SLC9A9: variants seen among roughly 807,000 people sequenced by gnomAD.
SLC9A9 encodes the protein sodium/hydrogen exchanger 9.
SLC9A9 carries 62 observed loss-of-function variants against 77.8 expected under a neutral mutation model. The observed-to-expected ratio is 0.80, with a 90% CI of 0.65 to 0.98. The LOEUF (loss-of-function observed/expected upper bound fraction) is 0.98. Among genes scored for constraint, SLC9A9 ranks in the 50% least tolerant of loss-of-function variants. The pLI is 0.00. For synonymous variants in SLC9A9, 320 were observed against 283.5 expected (o/e 1.13, Z -1.29); for missense variants, 775 against 774.9 (o/e 1.00, Z 0.00).
chr3:143,388,753 G>A (rs1447191662), intron 12 of SLC9A9, among the ~76,000 whole-genome samples: 1 of 152,200 alleles, frequency 6.6e-6, no homozygotes, highest in Non-Finnish European at 1.5e-5. Context: ...TAGGATTCCT[G>A]CCATCAATGA....
chr3:143,380,916 G>A (rs578101054), intron 13 of SLC9A9, among the ~76,000 whole-genome samples: 1 of 152,118 alleles, frequency 6.6e-6, no homozygotes, highest in African/African-American at 2.4e-5. Context: ...TAAAAGAGAG[G>A]GATTCCCTTA....
At chr3:143,573,581 A>G (rs1271050536) in intron 8 of SLC9A9, among the ~76,000 whole-genome samples, 2 of 152,156 alleles carry the variant, frequency 1.3e-5, no homozygotes, top group Non-Finnish European at 2.9e-5. Context: ...GGTAAGAGAC[A>G]TTAAACTGTA....
chr3:143,762,727 C>T (rs974969152), intron 4 of SLC9A9, among the ~76,000 whole-genome samples: 18 of 152,106 alleles, frequency 1.2e-4, no homozygotes, highest in African/African-American at 3.9e-4. Flanking sequence ...AATTTTCAGA[C>T]GAATATACTG....
intron 12 of SLC9A9, among the ~76,000 whole-genome samples, chr3:143,435,049 A>T (rs193084084): frequency 1.7e-3 from 252 of 152,096 alleles, no homozygotes; most frequent in African/African-American, 5.5e-3. Context: ...TTTTCCATCC[A>T]TCAGCTGGGG....
At chr3:143,585,749 C>T (rs1246215471) in intron 6 of SLC9A9, among the ~76,000 whole-genome samples, 1 of 152,210 alleles carries the variant, frequency 6.6e-6, no homozygotes, top group Non-Finnish European at 1.5e-5. Flanking sequence ...CCCACATACT[C>T]TCAAGGCACA....
intron 6 of SLC9A9, among the ~76,000 whole-genome samples, chr3:143,644,497 G>C (rs754366110): frequency 2.6e-4 from 40 of 152,172 alleles, no homozygotes; most frequent in Admixed American, 1.6e-3. Context: ...TAAGAGGTAG[G>C]GTAGGGGAGA....
rs1028320583 is a variant in SLC9A9, at chr3:143,510,167, T to A, written c.1090-14719A>T. Among the ~76,000 whole-genome samples the A allele has an allele frequency of 2.0e-5, 3 of 152,326 alleles. 1 individual carries two copies. The Middle Eastern group carries it at 0.01, about 518-fold the overall frequency. Reference sequence around the variant, plus strand: ...TGCTTAGAAAATATTACTAAATTAGTAGTGAGAAGGACAATTGTAAAATGT... The same window carrying A: ...TGCTTAGAAAATATTACTAAATTAGAAGTGAGAAGGACAATTGTAAAATGT... On this transcript the variant is annotated intron_variant, in intron 9 of 15. Coordinates refer to ENST00000316549, the MANE Select transcript of SLC9A9 (RefSeq NM_173653.4).
chr3:143,461,367 C>T (rs1335022955), intron 12 of SLC9A9, among the ~76,000 whole-genome samples: 1 of 152,068 alleles, frequency 6.6e-6, no homozygotes, highest in Admixed American at 6.6e-5. Flanking sequence ...GTATACCATG[C>T]TTTCATAAAT....
At chr3:143,715,336 T>G (rs115131239) in intron 4 of SLC9A9, among the ~76,000 whole-genome samples, 1 of 152,174 alleles carries the variant, frequency 6.6e-6, no homozygotes, top group Non-Finnish European at 1.5e-5. Flanking sequence ...CTCTTTTGAC[T>G]TCAGATGTTA....
intron 6 of SLC9A9, among the ~76,000 whole-genome samples, chr3:143,590,124 A>T (rs1205941523): frequency 1.3e-5 from 2 of 152,176 alleles, no homozygotes; most frequent in South Asian, 2.1e-4. Flanking sequence ...ACCAACACCA[A>T]CTTAGGTTTG....
chr3:143,405,445 T>G (rs2033956608), intron 12 of SLC9A9, among the ~76,000 whole-genome samples: 1 of 152,122 alleles, frequency 6.6e-6, no homozygotes. Context: ...TACTCTACCC[T>G]CTGAGCAGAA....
chr3:143,748,894 G>A (rs1466178222), intron 4 of SLC9A9, among the ~76,000 whole-genome samples: 1 of 151,124 alleles, frequency 6.6e-6, no homozygotes, highest in Non-Finnish European at 1.5e-5. Flanking sequence ...TAGTAGAGAC[G>A]GGGTTTCACC....
At chr3:143,363,628 A>G (rs1436303219) in intron 13 of SLC9A9, 65 bp from the exon 14 acceptor site, 16 of 1,409,804 alleles carry the variant, frequency 1.1e-5, no homozygotes, top group Non-Finnish European at 1.6e-5. Flanking sequence ...ATAAAAATAC[A>G]TGTCAAACCA....
At chr3:143,576,665 C>T (rs780037245) in intron 7 of SLC9A9, among the ~76,000 whole-genome samples, 5 of 152,170 alleles carry the variant, frequency 3.3e-5, no homozygotes, top group East Asian at 3.8e-4. Context: ...TCTCACTCTC[C>T]GGGTTTACTT....
In SLC9A9 at chr3:143,773,288, T is replaced by C. The variant is rs548730166; in HGVS notation, c.533+21713A>G. ...AGCAATGAGGTCTCTGGACATGGAG[T>C]TGGGAAGAGATGTTCAGTAGCACAT... is the stretch of plus-strand genomic sequence containing the variant. On this transcript the variant is annotated intron_variant, in intron 4 of 15. Transcript: ENST00000316549. Among the ~76,000 whole-genome samples, 11 of 152,096 alleles carry C rather than the reference T, an allele frequency of 7.2e-5. No individual in the cohort carries two copies. In the South Asian group the frequency reaches 2.1e-3, roughly 29 times the overall value.
rs1046450420 is a variant in SLC9A9, at chr3:143,452,031, T to A, written c.1469+15006A>T. Among the ~76,000 whole-genome samples the A allele has an allele frequency of 1.1e-4, 17 of 152,088 alleles. No individual in the cohort carries two copies. The East Asian group carries it at 3.3e-3, about 29-fold the overall frequency. On this transcript the variant is annotated intron_variant, in intron 12 of 15. Transcript: ENST00000316549. ...AATTTGAGTAACATAATCAAGAAACTCAATTTAATAGGAAACTGAATCATC... is the reference window on the plus strand; with the variant it reads ...AATTTGAGTAACATAATCAAGAAACACAATTTAATAGGAAACTGAATCATC...
chr3:143,520,937 C>A (rs1349126419), intron 9 of SLC9A9, among the ~76,000 whole-genome samples: 1 of 152,174 alleles, frequency 6.6e-6, no homozygotes, highest in East Asian at 1.9e-4. Flanking sequence ...GGTAGCTTAT[C>A]TCCTATGGAA....
chr3:143,611,288 A>T (rs1019398497), intron 6 of SLC9A9, among the ~76,000 whole-genome samples: 1 of 152,182 alleles, frequency 6.6e-6, no homozygotes, highest in African/African-American at 2.4e-5. Flanking sequence ...AAAAGATGAG[A>T]TCACATCAGT....
chr3:143,310,927 T>C (rs2030995497), intron 14 of SLC9A9, among the ~76,000 whole-genome samples: 1 of 152,214 alleles, frequency 6.6e-6, no homozygotes, highest in Admixed American at 6.5e-5. Context: ...ATTGTTTATT[T>C]GGGAGGATGT....
Sources: allele counts gnomAD v4.1 joint callset (sites outside exome capture counted in the v4.1 genomes callset), GRCh38; gene constraint gnomAD v4.1.1; transcripts MANE v1.5; gene names NCBI Gene and HGNC (gene_info 2026-07-23, HGNC 2026-07-21).